The following DIAPH2 variants were observed in gnomAD, a reference collection of about 807,000 sequenced individuals.
The protein encoded by DIAPH2 is diaphanous related formin 2.
DIAPH2 carries 35 observed loss-of-function variants against 92.7 expected under a neutral mutation model. The observed-to-expected ratio is 0.38, with a 90% CI of 0.29 to 0.50. The LOEUF (loss-of-function observed/expected upper bound fraction) is 0.50. Ranked by LOEUF, DIAPH2 falls within the 20% of genes least tolerant of loss-of-function variation. The pLI is 0.94. For synonymous variants in DIAPH2, 301 were observed against 280.4 expected (o/e 1.07, Z -0.73); for missense variants, 701 against 819.5 (o/e 0.86, Z 1.77).
intron 26 of DIAPH2, among the ~76,000 whole-genome samples, chrX:97,479,210 C>A (rs181201260): frequency 1.8e-5 from 2 of 110,980 alleles, no homozygotes; most frequent in African/African-American, 3.3e-5. Context: ...CCCCACCCAC[C>A]CTGGGGGCTA....
chrX:96,922,041 A>T (rs948341025), intron 9 of DIAPH2, among the ~76,000 whole-genome samples: 2 of 111,251 alleles, frequency 1.8e-5, no homozygotes, highest in Admixed American at 1.9e-4. Flanking sequence ...AAATACTTTA[A>T]TATGTTATCC....
At chrX:97,128,012 G>C (rs1364020383) in intron 21 of DIAPH2, among the ~76,000 whole-genome samples, 2 of 111,011 alleles carry the variant, frequency 1.8e-5, no homozygotes, top group Non-Finnish European at 1.9e-5. Flanking sequence ...TACAAGAAAG[G>C]GGTCCTGATC....
intron 26 of DIAPH2, among the ~76,000 whole-genome samples, chrX:97,497,594 T>G (rs1324805296): frequency 9.1e-6 from 1 of 110,437 alleles, no homozygotes; most frequent in African/African-American, 3.3e-5. Context: ...TTACTTGAGG[T>G]TAGGAGTTAC....
chrX:96,816,447 G>A (rs1218008437), intron 4 of DIAPH2, among the ~76,000 whole-genome samples: 1 of 112,192 alleles, frequency 8.9e-6, no homozygotes, highest in Non-Finnish European at 1.9e-5. Context: ...ATTAATTGAA[G>A]AAGGAGAGAG....
At chrX:97,128,164 T>G (rs775711678) in intron 21 of DIAPH2, among the ~76,000 whole-genome samples, 3 of 111,997 alleles carry the variant, frequency 2.7e-5, no homozygotes, top group Admixed American at 9.4e-5. Flanking sequence ...TGAGGGCTGC[T>G]GGTTGCCCAT....
intron 15 of DIAPH2, among the ~76,000 whole-genome samples, chrX:96,953,297 G>C (rs201382871): frequency 1.8e-5 from 2 of 111,539 alleles, no homozygotes; most frequent in East Asian, 5.6e-4. Flanking sequence ...CTGTAATACA[G>C]ACATTTGTAC....
intron 4 of DIAPH2, among the ~76,000 whole-genome samples, chrX:96,790,158 C>T (rs1360274572): frequency 9.1e-6 from 1 of 109,421 alleles, no homozygotes; most frequent in Non-Finnish European, 1.9e-5. Context: ...CAACCTCCGC[C>T]TCCTGGGTTC....
At chrX:96,807,042 C>T (rs1052647783) in intron 4 of DIAPH2, among the ~76,000 whole-genome samples, 1 of 111,868 alleles carries the variant, frequency 8.9e-6, no homozygotes, top group Admixed American at 9.4e-5. Flanking sequence ...GCGCCTGGCC[C>T]TGGTTTCTGT....
At chrX:97,199,843 T>C (rs2067733047) in intron 22 of DIAPH2, among the ~76,000 whole-genome samples, 1 of 111,874 alleles carries the variant, frequency 8.9e-6, no homozygotes, top group Admixed American at 9.5e-5. Flanking sequence ...TTGTATTTCC[T>C]TTCTAAGTAC....
At position 96,684,898 on chromosome X, in the gene DIAPH2, G is replaced by C. The variant is rs908153246; in HGVS notation, c.-161G>C. 3.3e-6 allele frequency: 2 copies of C among 607,279 alleles called. No individual in the cohort carries two copies. The highest frequency in any genetic ancestry group is 6.1e-5 in the Admixed American group (1 of 16,416). The allele number at this position is 607,279 out of a possible 1,213,427, so 50.0% of individuals were successfully genotyped here. A position where few individuals can be genotyped will look rare whatever the true frequency, so the allele number is the denominator to read the frequency against. On this transcript the variant is annotated 5_prime_UTR_variant, in exon 1 of 27. Coordinates refer to ENST00000324765, the MANE Select transcript of DIAPH2 (RefSeq NM_006729.5). Reference sequence around the variant, plus strand: ...TTGCGTCGGGGGTGCCTGGGAGCCTGGAGTCCCGGGGGCCTGAAATCGGCA... The same window carrying C: ...TTGCGTCGGGGGTGCCTGGGAGCCTCGAGTCCCGGGGGCCTGAAATCGGCA...
intron 23 of DIAPH2, among the ~76,000 whole-genome samples, chrX:97,294,783 T>G (rs111789530): frequency 0.022 from 2,457 of 112,035 alleles, 75 homozygotes; most frequent in African/African-American, 0.075. Context: ...ATTCAACTAA[T>G]ATTTACGGAG....
At position 97,247,727 on chromosome X, in the gene DIAPH2, T is replaced by C; in HGVS notation, c.2732T>C (p.Ile911Thr). The C allele has an allele frequency of 8.3e-7, 1 of 1,204,778 alleles. No homozygotes were observed. Among genetic ancestry groups the C allele is most frequent in the South Asian group, 1.8e-5 (1 of 55,611 alleles). The change falls in exon 23 of 27, where the codon ATT becomes ACT. Residue 911 changes from isoleucine (I) to threonine (T), a missense_variant. By Grantham distance (89) the Ile-to-Thr change is moderately conservative. Transcript: ENST00000324765. Reference protein sequence around the residue: ...VESASKVSAQILKSNLASMEQ... With the variant: ...VESASKVSAQTLKSNLASMEQ... Reference sequence around the variant, plus strand: ...CACTGTTCTTTAGTTTCAGCTCAAATTCTCAAGAGCAACCTTGCATCAATG... The same window carrying C: ...CACTGTTCTTTAGTTTCAGCTCAAACTCTCAAGAGCAACCTTGCATCAATG...
intron 23 of DIAPH2, among the ~76,000 whole-genome samples, chrX:97,264,987 A>C (rs183596239): frequency 2.7e-3 from 298 of 111,491 alleles, no homozygotes; most frequent in African/African-American, 7.8e-3. Context: ...TCTCAAAAAA[A>C]AACAACAACA....
intron 4 of DIAPH2, among the ~76,000 whole-genome samples, chrX:96,783,941 A>G (rs2064436949): frequency 8.9e-6 from 1 of 112,282 alleles, no homozygotes; most frequent in Non-Finnish European, 1.9e-5. Context: ...TAACATGTTC[A>G]GATCACTGGG....
At chrX:97,195,150 T>C in intron 22 of DIAPH2, among the ~76,000 whole-genome samples, 1 of 111,996 alleles carries the variant, frequency 8.9e-6, no homozygotes, top group Middle Eastern at 4.6e-3. Context: ...ATTCCGTAAT[T>C]TAAAAAAAGT....
intron 17 of DIAPH2, among the ~76,000 whole-genome samples, chrX:97,066,150 T>G (rs1206621948): frequency 8.9e-6 from 1 of 112,255 alleles, no homozygotes; most frequent in African/African-American, 3.2e-5. Flanking sequence ...TGGTGTACAG[T>G]AATGTCTTAG....
intron 3 of DIAPH2, among the ~76,000 whole-genome samples, chrX:96,750,081 G>A (rs1314673211): frequency 1.4e-5 from 1 of 70,786 alleles, no homozygotes; most frequent in African/African-American, 5.5e-5. Flanking sequence ...TTTTTGAGAT[G>A]GAAACTCACT....
At chrX:96,830,570 C>CAAAAAAA (rs776270215) in intron 4 of DIAPH2, among the ~76,000 whole-genome samples, 3 of 13,448 alleles carry the variant, frequency 2.2e-4, no homozygotes, top group African/African-American at 3.6e-4. Flanking sequence ...GACTCAGTCT[C>CAAAAAAA]AAAAAAAAAA....
At chrX:97,587,666 G>A (rs1315324255) in intron 26 of DIAPH2, among the ~76,000 whole-genome samples, 1 of 111,696 alleles carries the variant, frequency 9.0e-6, no homozygotes, top group Non-Finnish European at 1.9e-5. Context: ...TGTCCCAAAA[G>A]TGACTAAAAA....
Sources: gnomAD v4.1 joint callset for allele counts (sites outside exome capture counted in the v4.1 genomes callset) on GRCh38, gnomAD v4.1.1 for gene constraint, MANE v1.5 for transcripts, NCBI Gene and HGNC (gene_info 2026-07-23, HGNC 2026-07-21) for gene names.